Variants in ZNF454 observed in about 807,000 individuals in gnomAD.
The protein encoded by ZNF454 is zinc finger protein 454.
A neutral mutation model predicts 48.2 loss-of-function variants in ZNF454; 30 were observed. That is an observed-to-expected ratio of 0.62 (90% confidence interval 0.47 to 0.84). ZNF454 has a LOEUF of 0.84. Among genes scored for constraint, ZNF454 ranks in the 40% least tolerant of loss-of-function variants. ZNF454 has a pLI of 0.00. For synonymous variants in ZNF454, 204 were observed against 211.4 expected (o/e 0.97, Z 0.30); for missense variants, 510 against 623.1 (o/e 0.82, Z 1.93).
At chr5:178,959,686 A>G (rs1759919428) in intron 4 of ZNF454, among the ~76,000 whole-genome samples, 2 of 151,914 alleles carry the variant, frequency 1.3e-5, no homozygotes, top group South Asian at 4.2e-4. Flanking sequence ...GCTCACTGCA[A>G]GCTCCACCTC....
At chr5:178,972,956 G>A in the ZNF454 span, among the ~76,000 whole-genome samples, 2 of 150,496 alleles carry the variant, frequency 1.3e-5, no homozygotes, top group African/African-American at 4.9e-5. Context: ...TCCTGCCATA[G>A]ACTCTTGTAA....
At chr5:178,945,169 G>C (rs1012929149) in intron 2 of ZNF454, among the ~76,000 whole-genome samples, 17 of 149,486 alleles carry the variant, frequency 1.1e-4, no homozygotes, top group African/African-American at 3.9e-4. Flanking sequence ...GGGATGTGTA[G>C]GGCTGTGTCT....
chr5:178,983,618 A>G, the ZNF454 span: 1 of 380,520 alleles, frequency 2.6e-6, no homozygotes, highest in Non-Finnish European at 5.3e-6. Flanking sequence ...CCCTACTCGC[A>G]TCGCCTCTCT....
downstream of ZNF454, among the ~76,000 whole-genome samples, chr5:178,969,845 C>T (rs1447494120): frequency 6.6e-6 from 1 of 152,144 alleles, no homozygotes; most frequent in Non-Finnish European, 1.5e-5. Flanking sequence ...TGGGAACAGC[C>T]ACTGAAACTG....
chr5:178,987,500 C>A, the ZNF454 span: 1 of 454,554 alleles, frequency 2.2e-6, no homozygotes, highest in Non-Finnish European at 4.4e-6. Context: ...CAGTTCTGAC[C>A]CATGCTATAA....
chr5:178,984,745 A>G, the ZNF454 span, among the ~76,000 whole-genome samples: 1 of 152,148 alleles, frequency 6.6e-6, no homozygotes, highest in Admixed American at 6.5e-5. Context: ...CCTCCTAGTC[A>G]CGGAGAACTG....
At chr5:178,967,717 GT>G (rs10610959), downstream of ZNF454, among the ~76,000 whole-genome samples, 16,822 of 128,914 alleles carry the variant, frequency 0.13, 1,119 homozygotes, top group Non-Finnish European at 0.14. Context: ...CCTTTACCCT[GT>G]TTTTTTTTTT....
rs142958727 is a variant in ZNF454, at chr5:178,946,095, A to G, written c.34-264A>G. On this transcript the variant is annotated intron_variant, in intron 2 of 4. Coordinates refer to ENST00000519564, the MANE Select transcript of ZNF454 (RefSeq NM_001178089.3). This position sits in a 1 kb window ranked among gnomAD's most constrained non-coding sequence, Gnocchi z 4.5. The stretch of plus-strand genomic sequence containing the variant: ...AGATGGAGAAAATGTTCTGGGCTAA[A>G]TGAATGGCAAGTTGGAAGTCCCAGT... 9.7e-4 allele frequency among the ~76,000 whole-genome samples: 148 copies of G among 152,196 alleles called. No individual in the cohort carries two copies. The highest frequency in any genetic ancestry group is 3.1e-3 in the African/African-American group (129 of 41,504).
intron 4 of ZNF454, among the ~76,000 whole-genome samples, chr5:178,952,426 T>C (rs1429689278): frequency 6.6e-6 from 1 of 152,256 alleles, no homozygotes; most frequent in East Asian, 1.9e-4. Context: ...CAGTTTCTTT[T>C]TGTATTCGTT....
chr5:178,969,127 G>A (rs562553167), downstream of ZNF454, among the ~76,000 whole-genome samples: 4 of 152,276 alleles, frequency 2.6e-5, no homozygotes, highest in South Asian at 8.3e-4. Context: ...TGGCTTTACT[G>A]TATTACACTG....
At chr5:178,969,688 A>G (rs1760212532), downstream of ZNF454, 3 of 456,094 alleles carry the variant, frequency 6.6e-6, no homozygotes, top group Non-Finnish European at 8.8e-6. Flanking sequence ...TGGGCCATAG[A>G]AAAAGGTAAG....
the ZNF454 span, chr5:178,978,359 G>A: frequency 3.9e-5 from 6 of 152,294 alleles, no homozygotes; most frequent in East Asian, 1.2e-3. Flanking sequence ...TGAACAGGAA[G>A]TAACTGAATA....
At position 178,966,074 on chromosome 5, in the gene ZNF454, G is replaced by A. The variant is rs190531910; in HGVS notation, c.*101G>A. ...GAATAACTATGAAAGCTTGCATCAA[G>A]ATAGTCACTTTATTTACTGAGGGTC... On this transcript the variant is annotated 3_prime_UTR_variant, in exon 5 of 5. Transcript: ENST00000519564. 5 of 1,081,124 alleles carry A rather than the reference G, an allele frequency of 4.6e-6. No individual in the cohort carries two copies. In the East Asian group the frequency reaches 1.2e-4, roughly 26 times the overall value. 67.0% of individuals were successfully genotyped at this position (1,081,124 alleles called of 1,614,324 possible). A position where few individuals can be genotyped will look rare whatever the true frequency, so the allele number is the denominator to read the frequency against.
the ZNF454 span, chr5:178,985,287 G>A: frequency 2.2e-6 from 1 of 456,474 alleles, no homozygotes; most frequent in Non-Finnish European, 4.4e-6. Flanking sequence ...AAAGATCTCT[G>A]GAGGCCCACA....
At chr5:178,947,491 AT>A (rs1215907971) in intron 4 of ZNF454, among the ~76,000 whole-genome samples, 1 of 152,172 alleles carries the variant, frequency 6.6e-6, no homozygotes, top group Non-Finnish European at 1.5e-5. Flanking sequence ...TTTGCTGGCC[AT>A]TGTCTTTGAC....
chr5:178,976,104 C>A, the ZNF454 span: 1 of 455,764 alleles, frequency 2.2e-6, no homozygotes, highest in South Asian at 1.6e-5. Context: ...TTGCACTTGC[C>A]ACTCCGCCTG....
At chr5:178,981,939 G>A in the ZNF454 span, 1 of 907,374 alleles carries the variant, frequency 1.1e-6, no homozygotes, top group Non-Finnish European at 1.9e-6. The surrounding 1 kb of genome is among the most constrained non-coding windows in gnomAD (Gnocchi z 5.1). Context: ...ATACTCTGGA[G>A]CTGAGTCTGT....
chr5:178,961,072 AG>A lies in ZNF454; in HGVS notation c.251-3581del, dbSNP rs576205853. On this transcript the variant is annotated intron_variant, in intron 4 of 4. Coordinates refer to ENST00000519564, the MANE Select transcript of ZNF454 (RefSeq NM_001178089.3). ...CAGCCTCCCAAGTAGCTGGGATTAC[AG>A]GTGCGTGCCACTGCACCCGGCTAAT... Among the ~76,000 whole-genome samples, 165 of 151,470 alleles carry A rather than the reference AG, an allele frequency of 1.1e-3. 2 individuals carry two copies. Among genetic ancestry groups the A allele is most frequent in the Non-Finnish European group, 1.0e-3 (69 of 67,978 alleles).
downstream of ZNF454, chr5:178,968,732 G>C (rs1483825212): frequency 4.4e-6 from 2 of 456,490 alleles, no homozygotes; most frequent in Admixed American, 4.7e-5. Context: ...CCCTTACCTT[G>C]AATCCCTGAG....
Sources: gnomAD v4.1 joint callset for allele counts (sites outside exome capture counted in the v4.1 genomes callset) on GRCh38, gnomAD v4.1.1 for gene constraint, Gnocchi (gnomAD v3.1) non-coding constraint, MANE v1.5 for transcripts, NCBI Gene and HGNC (gene_info 2026-07-23, HGNC 2026-07-21) for gene names.